The following RBKS variants were observed in gnomAD, a reference collection of about 807,000 sequenced individuals.
RBKS encodes the protein ribokinase.
In RBKS, 33 loss-of-function variants were observed where a neutral mutation model predicts 33.9. That is an observed-to-expected ratio of 0.97 (90% CI 0.74 to 1.30). The LOEUF is 1.30. RBKS is among the 50% of genes most tolerant of loss of function. The pLI, the probability that RBKS is intolerant of heterozygous loss-of-function variation, is 0.00. For synonymous variants in RBKS, 125 were observed against 143.0 expected, an observed-to-expected ratio of 0.87 and a Z score of 0.90; for missense variants, 361 against 392.6, an observed-to-expected ratio of 0.92 and a Z score of 0.68.
chr2:27,805,521 G>A (rs1227414868), intron 7 of RBKS, among the ~76,000 whole-genome samples: 2 of 152,078 alleles, frequency 1.3e-5, no homozygotes, highest in African/African-American at 4.8e-5. Flanking sequence ...CAGCTTTCCC[G>A]GGTCCTTGTA....
At chr2:27,802,323 G>A (rs1677811877) in intron 7 of RBKS, among the ~76,000 whole-genome samples, 1 of 151,894 alleles carries the variant, frequency 6.6e-6, no homozygotes, top group Non-Finnish European at 1.5e-5. Flanking sequence ...AGCATCTCAA[G>A]TATAGCAGTA....
rs189686784 is a variant in RBKS, at chr2:27,837,743, C to T, written c.515-4966G>A. On this transcript the variant is annotated intron_variant, in intron 5 of 7. Coordinates refer to ENST00000302188, the MANE Select transcript of RBKS (RefSeq NM_022128.3). This position sits in a 1 kb window ranked among gnomAD's most constrained non-coding sequence, Gnocchi z 4.0. ...AATAAGAACAGAAAACCAAATACCA[C>T]ATGTATTCACTTATAAGTGGGGGCT... Among the ~76,000 whole-genome samples the T allele has an allele frequency of 1.3e-5, 2 of 152,310 alleles. No homozygotes were observed. Among genetic ancestry groups the T allele is most frequent in the East Asian group, 3.9e-4 (2 of 5,180 alleles).
chr2:27,789,521 C>T (rs1677467655), intron 7 of RBKS, among the ~76,000 whole-genome samples: 1 of 151,524 alleles, frequency 6.6e-6, no homozygotes, highest in Admixed American at 6.6e-5. Flanking sequence ...ACTTCAGCCT[C>T]CCAAGTAGCT....
intron 7 of RBKS, among the ~76,000 whole-genome samples, chr2:27,812,904 G>T (rs1678012731): frequency 6.6e-6 from 1 of 151,598 alleles, no homozygotes; most frequent in Non-Finnish European, 1.5e-5. Flanking sequence ...AAAAAAAAGG[G>T]TTAAAGTTAG....
chr2:27,807,665 C>T (rs1055495223), intron 7 of RBKS, among the ~76,000 whole-genome samples: 2 of 152,140 alleles, frequency 1.3e-5, no homozygotes, highest in African/African-American at 2.4e-5. Context: ...AGGTACTGTG[C>T]CCGGCCACCA....
chr2:27,853,894 G>C (rs1489308719), intron 2 of RBKS, among the ~76,000 whole-genome samples: 3 of 152,166 alleles, frequency 2.0e-5, no homozygotes, highest in Non-Finnish European at 4.4e-5. Flanking sequence ...TCTTTCAACA[G>C]AGTTCAGGAA....
Position 27,801,988 on chromosome 2 carries a change from ATATATTTTTTTTTT to A in RBKS, c.796-20214_796-20201del, listed in dbSNP as rs1458307427. On this transcript the variant is annotated intron_variant, in intron 7 of 7. Transcript: ENST00000302188. ...AATATATATATATATATATATATAT[ATATATTTTTTTTTT>A]TTTTTTTTTTTTTTTTTTAGAGAGA... 3.3e-3 allele frequency among the ~76,000 whole-genome samples: 286 copies of A among 86,758 alleles called. 2 individuals carry two copies. Among genetic ancestry groups the A allele is most frequent in the African/African-American group, 0.015 (265 of 17,640 alleles). The allele number at this position is 86,758 out of a possible 152,430, so 56.9% of individuals were successfully genotyped here.
chr2:27,833,109 T>C (rs1051547971), intron 5 of RBKS, among the ~76,000 whole-genome samples: 3 of 152,194 alleles, frequency 2.0e-5, no homozygotes, highest in Non-Finnish European at 4.4e-5. Flanking sequence ...TGAAAGGGCA[T>C]GTGTGAATGT....
At chr2:27,784,918 C>G (rs554825177) in intron 7 of RBKS, among the ~76,000 whole-genome samples, 1 of 152,224 alleles carries the variant, frequency 6.6e-6, no homozygotes, top group South Asian at 2.1e-4. Context: ...CAGTTTGCAG[C>G]ACAGCAGCCA....
chr2:27,818,049 G>C (rs565307778), intron 7 of RBKS, among the ~76,000 whole-genome samples: 84 of 152,250 alleles, frequency 5.5e-4, no homozygotes, highest in African/African-American at 1.9e-3. Context: ...GCATCATGGT[G>C]CATTATACTA....
chr2:27,826,718 C>T (rs1016262891), intron 7 of RBKS, among the ~76,000 whole-genome samples: 2 of 152,160 alleles, frequency 1.3e-5, no homozygotes, highest in African/African-American at 4.8e-5. Flanking sequence ...CTTCTGAATT[C>T]TAACAATAAA....
At chr2:27,854,092 T>C (rs1573065892) in intron 2 of RBKS, among the ~76,000 whole-genome samples, 1 of 152,244 alleles carries the variant, frequency 6.6e-6, no homozygotes, top group South Asian at 2.1e-4. Context: ...GGAGAAGCAC[T>C]GGCCTTGTTT....
At chr2:27,885,130 C>A (rs1243329820) in intron 1 of RBKS, among the ~76,000 whole-genome samples, 1 of 152,132 alleles carries the variant, frequency 6.6e-6, no homozygotes, top group South Asian at 2.1e-4. Flanking sequence ...CCCTCTCCCA[C>A]CCAACTTTCT....
chr2:27,828,850 A>T (rs1033350991), intron 6 of RBKS, among the ~76,000 whole-genome samples: 1 of 152,032 alleles, frequency 6.6e-6, no homozygotes, highest in Non-Finnish European at 1.5e-5. Flanking sequence ...TTCTTCTTTC[A>T]TAATGAATGT....
intron 7 of RBKS, among the ~76,000 whole-genome samples, chr2:27,818,668 G>A (rs1454332510): frequency 6.6e-6 from 1 of 152,212 alleles, no homozygotes; most frequent in Admixed American, 6.5e-5. Context: ...CCAGCATGAT[G>A]CCTGGCACAG....
rs1553374159 is a variant in RBKS, at chr2:27,789,949, G to GTGTATA, written c.796-8162_796-8161insTATACA. Among the ~76,000 whole-genome samples, 14 of 121,514 alleles carry GTGTATA rather than the reference G, an allele frequency of 1.2e-4. No homozygotes were observed. The South Asian group carries it at 2.6e-3, about 23-fold the overall frequency. 79.7% of individuals were successfully genotyped at this position (121,514 alleles called of 152,430 possible). A position where few individuals can be genotyped will look rare whatever the true frequency, so the allele number is the denominator to read the frequency against. ...TGTATATATATATATATGTATATGT[G>GTGTATA]TATATATATATATATATATATATGT... On this transcript the variant is annotated intron_variant, in intron 7 of 7. Coordinates refer to ENST00000302188, the MANE Select transcript of RBKS (RefSeq NM_022128.3).
chr2:27,870,874 T>C, intron 1 of RBKS: 1 of 459,598 alleles, frequency 2.2e-6, no homozygotes, highest in Non-Finnish European at 4.4e-6. Flanking sequence ...ACATAACATA[T>C]CCTCATGCAC....
At chr2:27,815,710 A>T (rs1678078684) in intron 7 of RBKS, among the ~76,000 whole-genome samples, 1 of 152,198 alleles carries the variant, frequency 6.6e-6, no homozygotes, top group Non-Finnish European at 1.5e-5. Context: ...GAGGGTGGAC[A>T]GGTGGGGCTT....
At chr2:27,870,748 G>C (rs1206214518) in intron 1 of RBKS, 1 of 461,042 alleles carries the variant, frequency 2.2e-6, no homozygotes, top group Non-Finnish European at 4.4e-6. Context: ...AGCCATGGCA[G>C]CCACTCTGTC....
Sources: gnomAD v4.1 joint callset for allele counts (sites outside exome capture counted in the v4.1 genomes callset) on GRCh38, gnomAD v4.1.1 for gene constraint, Gnocchi (gnomAD v3.1) non-coding constraint, MANE v1.5 for transcripts, NCBI Gene and HGNC (gene_info 2026-07-23, HGNC 2026-07-21) for gene names.